Variants in RGPD3 observed in about 807,000 individuals in gnomAD.
RGPD3 encodes RANBP2 like and GRIP domain containing 3.
A neutral mutation model predicts 154.5 loss-of-function variants in RGPD3; 62 were observed. The ratio of observed to expected loss-of-function variants is 0.40; its 90% CI spans 0.33 to 0.50. The LOEUF is 0.50. RGPD3 is among the 20% of genes least tolerant of loss of function. The pLI, the probability that RGPD3 is intolerant of heterozygous loss-of-function variation, is 0.59. For missense variants in RGPD3, 919 were observed against 1,716.8 expected (o/e 0.54, Z 8.21); for synonymous variants, 308 against 607.0 (o/e 0.51, Z 7.24).
intron 1 of RGPD3, among the ~76,000 whole-genome samples, chr2:106,465,578 TG>T (rs1678547212): frequency 6.7e-6 from 1 of 149,694 alleles, no homozygotes. Flanking sequence ...TTTTTAAGCT[TG>T]TTTAAAAAAA....
At chr2:106,466,362 C>T (rs1678589725) in intron 1 of RGPD3, among the ~76,000 whole-genome samples, 1 of 149,754 alleles carries the variant, frequency 6.7e-6, no homozygotes, top group Non-Finnish European at 1.5e-5. Context: ...ATCGAGGCCG[C>T]CGCCGGGCCG....
intron 1 of RGPD3, 32 bp downstream of exon 1, chr2:106,468,185 C>G (rs749909974): frequency 1.5e-5 from 23 of 1,582,518 alleles, no homozygotes; most frequent in Non-Finnish European, 1.9e-5. Context: ...CCGGCCAGGT[C>G]GAGGCCGTCG....
intron 22 of RGPD3, among the ~76,000 whole-genome samples, chr2:106,409,881 T>A (rs56276232): frequency 1.2e-4 from 18 of 147,798 alleles, no homozygotes; most frequent in African/African-American, 4.4e-4. Context: ...CTTTTTTTTT[T>A]TTTTTTTTTT....
intron 21 of RGPD3, among the ~76,000 whole-genome samples, chr2:106,413,982 AG>A (rs1310223676): frequency 2.0e-5 from 3 of 152,188 alleles, no homozygotes; most frequent in African/African-American, 7.2e-5. Flanking sequence ...GAACATCGGC[AG>A]CCTCCACTAA....
rs535766223 is a variant in RGPD3, at chr2:106,464,289, C to T, written c.72+3928G>A. On this transcript the variant is annotated intron_variant, in intron 1 of 22. Coordinates refer to ENST00000409886, the MANE Select transcript of RGPD3 (RefSeq NM_001144013.2). Reference sequence around the variant, plus strand: ...CCGGGAGGCAGAGTTTGCAGTGAGCCGAGATCGCGCCACTGCACTCCAGCC... The same window carrying T: ...CCGGGAGGCAGAGTTTGCAGTGAGCTGAGATCGCGCCACTGCACTCCAGCC... Among the ~76,000 whole-genome samples, 710 of 148,740 alleles carry T rather than the reference C, an allele frequency of 4.8e-3. 7 individuals are homozygous for T. Among genetic ancestry groups the T allele is most frequent in the African/African-American group, 0.016 (648 of 40,176 alleles).
At chr2:106,414,984 C>T (rs28711962) in intron 21 of RGPD3, among the ~76,000 whole-genome samples, 39,657 of 151,702 alleles carry the variant, frequency 0.26, 5,477 homozygotes, top group East Asian at 0.59. Context: ...AAATAATATA[C>T]GTAGAGCCCA....
At chr2:106,461,925 T>A (rs1678417721) in intron 1 of RGPD3, among the ~76,000 whole-genome samples, 2 of 152,112 alleles carry the variant, frequency 1.3e-5, no homozygotes, top group South Asian at 4.1e-4. Flanking sequence ...CCTTCCTTTT[T>A]TTTTTTGAGA....
In RGPD3 at chr2:106,405,495, C is replaced by T. The variant is rs1295071563; in HGVS notation, c.5267-266G>A. 4.0e-5 allele frequency among the ~76,000 whole-genome samples: 6 copies of T among 150,924 alleles called. No individual in the cohort carries two copies. In the East Asian group the frequency reaches 1.2e-3, roughly 30 times the overall value. The stretch of plus-strand genomic sequence containing the variant: ...GGCTCAAGTGATTCTCCCACCTCAG[C>T]CTCCCAAGCAACTGGGACCACAAGG... On this transcript the variant is annotated intron_variant, in intron 22 of 22. Transcript: ENST00000409886.
upstream of RGPD3, among the ~76,000 whole-genome samples, chr2:106,470,304 A>G (rs1356772802): frequency 1.3e-5 from 2 of 152,272 alleles, no homozygotes; most frequent in Admixed American, 1.3e-4. Context: ...GTTCCGCATT[A>G]TCTAGCCTTC....
intron 22 of RGPD3, among the ~76,000 whole-genome samples, chr2:106,410,325 G>A (rs1486568684): frequency 2.0e-5 from 3 of 152,132 alleles, no homozygotes; most frequent in Admixed American, 6.5e-5. Context: ...TAATTTAAAT[G>A]TGTTTTCCTG....
At chr2:106,417,654 T>A (rs992535487) in intron 20 of RGPD3, among the ~76,000 whole-genome samples, 6 of 150,374 alleles carry the variant, frequency 4.0e-5, no homozygotes, top group Admixed American at 2.6e-4. Flanking sequence ...TCAAAGATTG[T>A]TGAGAGGAAA....
At chr2:106,407,519 C>T (rs921304963) in intron 22 of RGPD3, among the ~76,000 whole-genome samples, 3 of 150,952 alleles carry the variant, frequency 2.0e-5, no homozygotes, top group African/African-American at 7.3e-5. Context: ...ACCTTGTTCC[C>T]AGGAATAAAG....
At chr2:106,415,160 C>A (rs1402741559) in intron 21 of RGPD3, among the ~76,000 whole-genome samples, 2 of 150,172 alleles carry the variant, frequency 1.3e-5, no homozygotes, top group Non-Finnish European at 3.0e-5. Flanking sequence ...CTTCCCATGC[C>A]ACTTTGCCAT....
At chr2:106,421,880 C>T (rs1238013714) in intron 20 of RGPD3, among the ~76,000 whole-genome samples, 6 of 151,496 alleles carry the variant, frequency 4.0e-5, no homozygotes, top group Non-Finnish European at 8.8e-5. Flanking sequence ...CATCCCACTA[C>T]ATTTTAAAAA....
At chr2:106,421,470 C>T (rs1676984221) in intron 20 of RGPD3, among the ~76,000 whole-genome samples, 1 of 151,528 alleles carries the variant, frequency 6.6e-6, no homozygotes, top group Non-Finnish European at 1.5e-5. Flanking sequence ...GAGATTTTTA[C>T]TTTATCATTG....
intron 22 of RGPD3, among the ~76,000 whole-genome samples, chr2:106,410,360 C>T (rs1417161588): frequency 6.6e-6 from 1 of 152,100 alleles, no homozygotes; most frequent in Non-Finnish European, 1.5e-5. Flanking sequence ...TTACCAAATG[C>T]ACATCTTAGA....
At chr2:106,464,299 C>A (rs1434186844) in intron 1 of RGPD3, among the ~76,000 whole-genome samples, 3 of 148,370 alleles carry the variant, frequency 2.0e-5, no homozygotes, top group Non-Finnish European at 3.0e-5. Context: ...CGAGATCGCG[C>A]CACTGCACTC....
chr2:106,432,307 G>C (rs1333826303), intron 17 of RGPD3, among the ~76,000 whole-genome samples: 1 of 148,286 alleles, frequency 6.7e-6, no homozygotes, highest in African/African-American at 2.5e-5. Context: ...ACAAAAATTA[G>C]CTGGGCCTGG....
chr2:106,459,372 A>C (rs558460316), intron 1 of RGPD3, 40 bp from the exon 2 acceptor site: 1 of 1,396,346 alleles, frequency 7.2e-7, no homozygotes, highest in Non-Finnish European at 9.7e-7. Flanking sequence ...TCATACAGAA[A>C]TATTTTCCAA....
Sources: gnomAD v4.1 joint callset for allele counts (sites outside exome capture counted in the v4.1 genomes callset) on GRCh38, gnomAD v4.1.1 for gene constraint, MANE v1.5 for transcripts, NCBI Gene and HGNC (gene_info 2026-07-23, HGNC 2026-07-21) for gene names.